ZNF239: variants seen among roughly 807,000 people sequenced by gnomAD.
ZNF239 encodes zinc finger protein (C2H2) homologous to mouse MOK-2.
A neutral mutation model predicts 27.5 loss-of-function variants in ZNF239; 16 were observed. The ratio of observed to expected loss-of-function variants is 0.58; its 90% CI spans 0.39 to 0.88. The LOEUF is 0.88. Ranked by LOEUF, ZNF239 falls within the 40% of genes least tolerant of loss-of-function variation. The probability of loss-of-function intolerance (pLI) is 0.00; values close to 1 mark genes in which losing one functional copy is unlikely to be tolerated. For missense variants in ZNF239, 527 were observed against 551.9 expected (o/e 0.95, Z 0.45); for synonymous variants, 199 against 192.6 (o/e 1.03, Z -0.27).
rs765438655 is a variant in ZNF239 at position 43,556,707 on chromosome 10, C to T, written c.1373G>A (p.Arg458His). ...IHQRVHKKDP[R>H] ...ACCTGAATGGGCTAATGTCAGTTAG[C>T]GAGGATCTTTCTTGTGAACCCGCTG... is the stretch of plus-strand genomic sequence containing the variant. The change falls in exon 4 of 4, where the codon CGC (arginine) becomes CAC (histidine). Residue 458 changes from arginine (R) to histidine (H), a missense_variant. By Grantham distance (29) the Arg-to-His change is conservative. Transcript: ENST00000374446. 4.2e-5 allele frequency: 67 copies of T among 1,612,008 alleles called. No homozygotes were observed. Among genetic ancestry groups the T allele is most frequent in the Admixed American group, 2.2e-4 (13 of 59,920 alleles).
At chr10:43,562,652 CCA>C (rs1353557234) in intron 3 of ZNF239, among the ~76,000 whole-genome samples, 5 of 152,156 alleles carry the variant, frequency 3.3e-5, no homozygotes, top group Non-Finnish European at 5.9e-5. Flanking sequence ...CCTTTGGAAG[CCA>C]CACTGTGGCT....
chr10:43,565,403 T>C (rs547738456), intron 3 of ZNF239, among the ~76,000 whole-genome samples: 1 of 152,342 alleles, frequency 6.6e-6, no homozygotes, highest in African/African-American at 2.4e-5. Context: ...TTACATATTA[T>C]GCTGGTTTGG....
chr10:43,558,300 T>TG, intron 3 of ZNF239, 129 bp from the exon 4 acceptor site: 1 of 822,542 alleles, frequency 1.2e-6, no homozygotes, highest in Non-Finnish European at 1.8e-6. Flanking sequence ...TCATGTCCTT[T>TG]GGGTTAAGGT....
In ZNF239 at chr10:43,557,800, G is replaced by A. The variant is rs201359597; in HGVS notation, c.280C>T (p.Arg94Cys). 324 of 1,614,048 alleles carry A rather than the reference G, an allele frequency of 2.0e-4. 1 individual carries two copies. The highest frequency in any genetic ancestry group is 2.5e-4 in the Non-Finnish European group (292 of 1,180,046). The change falls in exon 4 of 4, where the codon CGT (arginine) becomes TGT (cysteine). Residue 94 changes from arginine to cysteine, a missense_variant. Coordinates refer to ENST00000374446, the MANE Select transcript of ZNF239 (RefSeq NM_001099282.2). ...NEPQDHQESR[R>C]LFVMEESTER... ...GTGCTTTCTTCCATTACAAAGAGAC[G>A]TCTGCTTTCCTGATGATCCTGAGGC...
intron 2 of ZNF239, among the ~76,000 whole-genome samples, chr10:43,569,106 T>C (rs567337423): frequency 6.6e-6 from 1 of 152,274 alleles, no homozygotes; most frequent in Admixed American, 6.5e-5. Context: ...CCCATTTTAG[T>C]AAACAGCCAC....
intron 2 of ZNF239, among the ~76,000 whole-genome samples, chr10:43,571,554 C>T (rs1343239598): frequency 6.6e-6 from 1 of 152,012 alleles, no homozygotes; most frequent in Non-Finnish European, 1.5e-5. Flanking sequence ...ATAGGGGCTA[C>T]ACTCAACTCA....
Position 43,556,505 on chromosome 10 carries a change from A to G in ZNF239, c.*198T>C. ...TTTTACTCTACCCATCTGAGAAACA[A>G]GAACAATCCATTCATTGTACAGCAT... On this transcript the variant is annotated 3_prime_UTR_variant, in exon 4 of 4. Transcript: ENST00000374446. 3 of 662,190 alleles carry G rather than the reference A, an allele frequency of 4.5e-6. No homozygotes were observed. The highest frequency in any genetic ancestry group is 7.4e-6 in the Non-Finnish European group (3 of 405,832). 41.0% of individuals were successfully genotyped at this position (662,190 alleles called of 1,614,324 possible). A position where few individuals can be genotyped will look rare whatever the true frequency, so the allele number is the denominator to read the frequency against.
chr10:43,558,096 C>T lies in ZNF239; in HGVS notation c.-17G>A. Reference sequence around the variant, plus strand: ...ACTGGCCATGCCTTCCAAAACTAGCCAGGAGGAAAGCTCATGTAACAGATC... The same window carrying T: ...ACTGGCCATGCCTTCCAAAACTAGCTAGGAGGAAAGCTCATGTAACAGATC... On this transcript the variant is annotated 5_prime_UTR_variant, in exon 4 of 4. Coordinates refer to ENST00000374446, the MANE Select transcript of ZNF239 (RefSeq NM_001099282.2). 1 of 1,602,572 alleles carries T rather than the reference C, an allele frequency of 6.2e-7. No homozygotes were observed. Among genetic ancestry groups the T allele is most frequent in the Non-Finnish European group, 8.5e-7 (1 of 1,173,234 alleles).
rs1837794065 is a variant in ZNF239, at chr10:43,567,998, G to A, written c.-192C>T. ...ACTCCTCCTCGGTGAAGGCCACAGA[G>A]GCATCCTTGAATGTAACTGGTTCCT... is the stretch of plus-strand genomic sequence containing the variant. On this transcript the variant is annotated 5_prime_UTR_variant, in exon 3 of 4. Transcript: ENST00000374446. 1.1e-5 allele frequency: 11 copies of A among 985,854 alleles called. No homozygotes were observed. The highest frequency in any genetic ancestry group is 1.3e-5 in the Non-Finnish European group (11 of 830,050). The allele number at this position is 985,854 out of a possible 1,614,324, so 61.1% of individuals were successfully genotyped here. A position where few individuals can be genotyped will look rare whatever the true frequency, so the allele number is the denominator to read the frequency against.
chr10:43,559,551 C>T (rs1837069607), intron 3 of ZNF239, among the ~76,000 whole-genome samples: 1 of 152,110 alleles, frequency 6.6e-6, no homozygotes, highest in African/African-American at 2.4e-5. Flanking sequence ...CTTGTATAAT[C>T]TGTGGTGTTG....
chr10:43,560,738 A>G (rs1230459550), intron 3 of ZNF239, among the ~76,000 whole-genome samples: 1 of 151,744 alleles, frequency 6.6e-6, no homozygotes, highest in African/African-American at 2.4e-5. Context: ...AGTGTCCCCT[A>G]AAGTAAAACA....
At chr10:43,564,576 C>G (rs1837503996) in intron 3 of ZNF239, among the ~76,000 whole-genome samples, 1 of 152,140 alleles carries the variant, frequency 6.6e-6, no homozygotes. Context: ...GGGTCTCACT[C>G]TGTTGCCCAG....
intron 1 of ZNF239, among the ~76,000 whole-genome samples, chr10:43,574,028 C>T (rs1459419121): frequency 6.6e-6 from 1 of 152,218 alleles, no homozygotes; most frequent in Admixed American, 6.5e-5. Flanking sequence ...CCCAAGACGC[C>T]TTCCCCGACC....
chr10:43,561,292 CCAAACTAAA>C (rs1033354637), intron 3 of ZNF239, among the ~76,000 whole-genome samples: 14 of 151,970 alleles, frequency 9.2e-5, no homozygotes, highest in Admixed American at 7.9e-4. Context: ...TAAAAAGACC[CCAAACTAAA>C]CATACTCTTT....
chr10:43,557,968 A>T lies in ZNF239; in HGVS notation c.112T>A (p.Ser38Thr). Residue 38 changes from serine to threonine, a missense_variant, in exon 4 of 4, where the codon TCT becomes ACT. Ser to Thr is a moderately conservative substitution (Grantham distance 58). Transcript: ENST00000374446. ...SPCQQWGEAS[S>T]PISRNRDSVM... ...CTGTCCCTGTTTCTGGAAATAGGAG[A>T]AGATGCTTCTCCCCACTGTTGACAA... is the stretch of plus-strand genomic sequence containing the variant. The T allele has an allele frequency of 6.2e-7, 1 of 1,614,132 alleles. No homozygotes were observed. The highest frequency in any genetic ancestry group is 8.5e-7 in the Non-Finnish European group (1 of 1,180,012).
At chr10:43,569,670 T>C (rs987538677) in intron 2 of ZNF239, among the ~76,000 whole-genome samples, 1 of 152,210 alleles carries the variant, frequency 6.6e-6, no homozygotes, top group African/African-American at 2.4e-5. Context: ...ATCATTTTCC[T>C]GGTTTAATTT....
Position 43,557,292 on chromosome 10 carries a change from T to G in ZNF239, c.788A>C (p.Tyr263Ser). Residue 263 changes from tyrosine to serine, a missense_variant, in exon 4 of 4, where the codon TAT becomes TCT. Coordinates refer to ENST00000374446, the MANE Select transcript of ZNF239 (RefSeq NM_001099282.2). ...GCCCTTCCCACACTTGTCACACTTA[T>G]AAGGCTTCTCATCTGTGTGGACTGC... ...HQAVHTDEKP[Y>S]KCDKCGKGFT... 1 of 1,614,164 alleles carries G rather than the reference T, an allele frequency of 6.2e-7. No homozygotes were observed. The highest frequency in any genetic ancestry group is 8.5e-7 in the Non-Finnish European group (1 of 1,180,000).
In ZNF239 at chr10:43,558,408, A is replaced by G. The variant is rs73262946; in HGVS notation, c.-92-237T>C. Among the ~76,000 whole-genome samples, 276 of 152,268 alleles carry G rather than the reference A, an allele frequency of 1.8e-3. 1 individual carries two copies. The highest frequency in any genetic ancestry group is 6.2e-3 in the African/African-American group (258 of 41,556). On this transcript the variant is annotated intron_variant, in intron 3 of 3. Coordinates refer to ENST00000374446, the MANE Select transcript of ZNF239 (RefSeq NM_001099282.2). ...CCTAACTAATCCTATAGAAGGCTGT[A>G]AGTCCTATATCCTTGCTAACAATAA...
At chr10:43,560,276 C>T (rs1330580412) in intron 3 of ZNF239, among the ~76,000 whole-genome samples, 1 of 152,180 alleles carries the variant, frequency 6.6e-6, no homozygotes, top group Admixed American at 6.5e-5. Context: ...TGAACGTACA[C>T]AATGACCAAT....
Sources: gnomAD v4.1 joint callset for allele counts (sites outside exome capture counted in the v4.1 genomes callset) on GRCh38, gnomAD v4.1.1 for gene constraint, MANE v1.5 for transcripts, NCBI Gene and HGNC (gene_info 2026-07-23, HGNC 2026-07-21) for gene names.